The following RFX3 variants were observed in gnomAD, a reference collection of about 807,000 sequenced individuals.
RFX3 encodes the protein transcription factor RFX3.
A neutral mutation model predicts 98.6 loss-of-function variants in RFX3; 14 were observed. The ratio of observed to expected loss-of-function variants is 0.14; its 90% CI spans 0.09 to 0.22. RFX3 has a LOEUF of 0.22. Among genes scored for constraint, RFX3 ranks in the 10% least tolerant of loss-of-function variants. The pLI is 1.00. For missense variants in RFX3, 639 were observed against 926.9 expected (o/e 0.69, Z 4.03); for synonymous variants, 383 against 328.4 (o/e 1.17, Z -1.80).
chr9:3,428,204 T>C (rs192064520), intron 1 of RFX3, among the ~76,000 whole-genome samples: 197 of 152,184 alleles, frequency 1.3e-3, no homozygotes, highest in Non-Finnish European at 2.4e-4. Flanking sequence ...TCAAGGCAAG[T>C]AGCAAAAGCT....
At chr9:3,472,999 T>C (rs1399144589) in intron 1 of RFX3, among the ~76,000 whole-genome samples, 4 of 152,152 alleles carry the variant, frequency 2.6e-5, no homozygotes, top group Admixed American at 2.6e-4. Context: ...AAAAATATAG[T>C]AATAATTAAA....
At chr9:3,434,687 C>T (rs1443124156) in intron 1 of RFX3, among the ~76,000 whole-genome samples, 1 of 152,066 alleles carries the variant, frequency 6.6e-6, no homozygotes, top group Non-Finnish European at 1.5e-5. Flanking sequence ...ACCTTCTCCC[C>T]ACCCTCCTTC....
At chr9:3,401,412 C>T (rs116314263) in intron 1 of RFX3, among the ~76,000 whole-genome samples, 4,013 of 152,298 alleles carry the variant, frequency 0.026, 199 homozygotes, top group African/African-American at 0.091. Context: ...TTACTCCCAG[C>T]ATAATAGCTT....
chr9:3,248,263 A>C (rs1249429663), intron 14 of RFX3, 78 bp from the exon 15 acceptor site: 27 of 1,465,154 alleles, frequency 1.8e-5, no homozygotes, highest in Non-Finnish European at 2.3e-5. Context: ...TCCTCTTAAA[A>C]AAAAGTCAAG....
intron 1 of RFX3, among the ~76,000 whole-genome samples, chr9:3,481,112 A>G (rs1424644749): frequency 2.0e-5 from 3 of 152,174 alleles, no homozygotes; most frequent in Non-Finnish European, 4.4e-5. Context: ...GTTACTTTGG[A>G]TAATCTATAA....
intron 9 of RFX3, among the ~76,000 whole-genome samples, chr9:3,272,825 T>A (rs1824679848): frequency 6.6e-6 from 1 of 152,158 alleles, no homozygotes; most frequent in Non-Finnish European, 1.5e-5. Context: ...CATAACAAAC[T>A]AGTGATACAA....
At chr9:3,383,677 C>G (rs1349786747) in intron 2 of RFX3, among the ~76,000 whole-genome samples, 3 of 152,104 alleles carry the variant, frequency 2.0e-5, no homozygotes, top group Admixed American at 1.3e-4. Flanking sequence ...TATCAGTTCA[C>G]AAGGGCTGTA....
intron 1 of RFX3, among the ~76,000 whole-genome samples, chr9:3,494,988 T>C (rs1238023982): frequency 6.6e-6 from 1 of 152,012 alleles, no homozygotes; most frequent in Non-Finnish European, 1.5e-5. Flanking sequence ...GTTTGGTAGT[T>C]TAATTAGTTT....
intron 12 of RFX3, among the ~76,000 whole-genome samples, chr9:3,265,958 G>C (rs376923391): frequency 1.3e-5 from 2 of 151,942 alleles, no homozygotes; most frequent in East Asian, 3.9e-4. Context: ...ATATTGTTTA[G>C]AAAGAGCTTA....
chr9:3,494,666 A>T (rs1307961671), intron 1 of RFX3, among the ~76,000 whole-genome samples: 4 of 152,220 alleles, frequency 2.6e-5, no homozygotes, highest in Non-Finnish European at 5.9e-5. Flanking sequence ...TAATCATTCT[A>T]TGTTAATGTT....
chr9:3,285,660 T>C (rs945180820), intron 7 of RFX3, among the ~76,000 whole-genome samples: 9 of 151,628 alleles, frequency 5.9e-5, no homozygotes, highest in Non-Finnish European at 3.0e-5. Context: ...AGAGCAACTG[T>C]CTATAATCCT....
chr9:3,449,404 A>C (rs1846360520), intron 1 of RFX3, among the ~76,000 whole-genome samples: 1 of 152,132 alleles, frequency 6.6e-6, no homozygotes, highest in Non-Finnish European at 1.5e-5. Flanking sequence ...TTGCTTATTT[A>C]TTAGAGATGG....
At chr9:3,408,910 T>C (rs12338587) in intron 1 of RFX3, among the ~76,000 whole-genome samples, 22,837 of 152,210 alleles carry the variant, frequency 0.15, 2,569 homozygotes, top group African/African-American at 0.32. Context: ...AATAAACTTA[T>C]TTTGCCAAAT....
chr9:3,332,867 C>T (rs1035313577), intron 3 of RFX3, among the ~76,000 whole-genome samples: 2 of 152,136 alleles, frequency 1.3e-5, no homozygotes, highest in Non-Finnish European at 2.9e-5. Flanking sequence ...TATTCCACCT[C>T]CCTGCCTTTG....
chr9:3,293,278 T>C lies in RFX3; in HGVS notation c.550-20A>G, dbSNP rs751075914. 4 of 1,562,076 alleles carry C rather than the reference T, an allele frequency of 2.6e-6. No individual in the cohort carries two copies. Among genetic ancestry groups the C allele is most frequent in the Non-Finnish European group, 2.6e-6 (3 of 1,157,504 alleles). The stretch of plus-strand genomic sequence containing the variant: ...CTGGAGCTAGGGAAATAAGACACAA[T>C]AAACACAGACAAATCACATAATTTG... On this transcript the variant is annotated intron_variant, in intron 5 of 16. Transcript: ENST00000617270.
At chr9:3,300,881 T>TA (rs1209171920) in intron 5 of RFX3, among the ~76,000 whole-genome samples, 5 of 151,904 alleles carry the variant, frequency 3.3e-5, no homozygotes, top group African/African-American at 9.7e-5. Context: ...TTCTTACACT[T>TA]ACCAGTGTCA....
intron 5 of RFX3, among the ~76,000 whole-genome samples, chr9:3,295,771 A>G (rs780454963): frequency 3.3e-5 from 5 of 152,100 alleles, no homozygotes; most frequent in Non-Finnish European, 7.4e-5. Context: ...TGAACAGAAG[A>G]CATATCATAT....
At chr9:3,356,651 C>G (rs1306012486) in intron 2 of RFX3, among the ~76,000 whole-genome samples, 2 of 151,614 alleles carry the variant, frequency 1.3e-5, no homozygotes, top group South Asian at 2.1e-4. Flanking sequence ...AAAGTGAGAC[C>G]CAAACTAGAA....
At chr9:3,330,805 A>G (rs777724183) in intron 3 of RFX3, among the ~76,000 whole-genome samples, 2 of 152,168 alleles carry the variant, frequency 1.3e-5, no homozygotes, top group Admixed American at 6.5e-5. Context: ...CTTCCCTCCA[A>G]GAAATCTTGC....
Sources: gnomAD v4.1 joint callset for allele counts (sites outside exome capture counted in the v4.1 genomes callset) on GRCh38, gnomAD v4.1.1 for gene constraint, MANE v1.5 for transcripts, NCBI Gene and HGNC (gene_info 2026-07-23, HGNC 2026-07-21) for gene names.